Variants in MAPKAP1 observed in about 807,000 individuals in gnomAD.
The protein encoded by MAPKAP1 is MAPK associated protein 1, also known as target of rapamycin complex 2 subunit MAPKAP1.
Under a neutral mutation model 65.7 loss-of-function variants are expected in MAPKAP1, and 20 were observed. The observed-to-expected ratio is 0.30, with a 90% CI of 0.21 to 0.44. MAPKAP1 has a LOEUF of 0.44. MAPKAP1 is among the 20% of genes least tolerant of loss of function. The pLI is 1.00. For synonymous variants in MAPKAP1, 222 were observed against 244.3 expected, an observed-to-expected ratio of 0.91 and a Z score of 0.85; for missense variants, 423 against 648.0, an observed-to-expected ratio of 0.65 and a Z score of 3.77.
chr9:125,459,298 G>A (rs2132966761), intron 10 of MAPKAP1, among the ~76,000 whole-genome samples: 1 of 150,624 alleles, frequency 6.6e-6, no homozygotes, highest in South Asian at 2.1e-4. Context: ...AGATCGGATG[G>A]CGGCCAGGCA....
chr9:125,632,237 A>AAAAG (rs377716459), intron 4 of MAPKAP1, among the ~76,000 whole-genome samples: 1 of 150,978 alleles, frequency 6.6e-6, no homozygotes. Flanking sequence ...AAAAAAAAAA[A>AAAAG]GAAGAAACTC....
At chr9:125,523,320 AT>A (rs1428701280) in intron 7 of MAPKAP1, among the ~76,000 whole-genome samples, 1 of 152,136 alleles carries the variant, frequency 6.6e-6, no homozygotes, top group Non-Finnish European at 1.5e-5. Context: ...CATACATTTA[AT>A]TTATCTGAAT....
chr9:125,647,143 T>C (rs1463581053), intron 4 of MAPKAP1, among the ~76,000 whole-genome samples: 2 of 152,248 alleles, frequency 1.3e-5, no homozygotes, highest in African/African-American at 4.8e-5. Context: ...AATTTAATCT[T>C]TGGTTGCATA....
chr9:125,571,362 A>G (rs1368118584), intron 5 of MAPKAP1, among the ~76,000 whole-genome samples: 3 of 152,170 alleles, frequency 2.0e-5, no homozygotes, highest in Non-Finnish European at 4.4e-5. Context: ...AAGGTGGTTT[A>G]TAATTAACTA....
intron 5 of MAPKAP1, among the ~76,000 whole-genome samples, chr9:125,573,961 T>C (rs57699076): frequency 0.039 from 5,871 of 152,244 alleles, 386 homozygotes; most frequent in African/African-American, 0.13. Flanking sequence ...CTTCCTTCAA[T>C]AGACTGTGGA....
chr9:125,532,682 T>A (rs1829966295), intron 7 of MAPKAP1, among the ~76,000 whole-genome samples: 1 of 152,202 alleles, frequency 6.6e-6, no homozygotes, highest in Non-Finnish European at 1.5e-5. Context: ...AGGGTCCACA[T>A]TAACCCCCTA....
At chr9:125,575,675 C>G (rs1831372806) in intron 5 of MAPKAP1, among the ~76,000 whole-genome samples, 1 of 152,170 alleles carries the variant, frequency 6.6e-6, no homozygotes, top group Admixed American at 6.5e-5. Context: ...CCTATTAAAA[C>G]AGCTAAAATT....
At chr9:125,618,948 A>G (rs374082071) in intron 4 of MAPKAP1, among the ~76,000 whole-genome samples, 2 of 152,176 alleles carry the variant, frequency 1.3e-5, no homozygotes, top group Non-Finnish European at 2.9e-5. Flanking sequence ...CCTGGACAAC[A>G]TGATAAAACC....
At chr9:125,545,582 T>C (rs1264871122) in intron 6 of MAPKAP1, among the ~76,000 whole-genome samples, 1 of 152,224 alleles carries the variant, frequency 6.6e-6, no homozygotes, top group African/African-American at 2.4e-5. Context: ...TCAGTCTGCT[T>C]AGAAACTGCT....
rs202046973 is a variant in MAPKAP1 at position 125,450,504 on chromosome 9, C to T, written c.1346-5906G>A. Among the ~76,000 whole-genome samples, 4 of 152,152 alleles carry T rather than the reference C, an allele frequency of 2.6e-5. No individual in the cohort carries two copies. In the East Asian group the frequency reaches 5.8e-4, roughly 22 times the overall value. ...CTGTTGCAACAATTTCTATAACCAC[C>T]GTTTTCAATGGCTGCATCTTATTCC... On this transcript the variant is annotated intron_variant, in intron 10 of 11. Transcript: ENST00000265960.
At chr9:125,588,973 C>T (rs1344898539) in intron 4 of MAPKAP1, among the ~76,000 whole-genome samples, 1 of 152,200 alleles carries the variant, frequency 6.6e-6, no homozygotes, top group African/African-American at 2.4e-5. Flanking sequence ...TTGCATTTCT[C>T]ACGTCCCAGG....
rs369656141 is a variant in MAPKAP1, at chr9:125,703,664, T to A, written c.-70+3307A>T. 4.3e-4 allele frequency among the ~76,000 whole-genome samples: 65 copies of A among 150,848 alleles called. No homozygotes were observed. In the East Asian group the frequency reaches 0.012, roughly 28 times the overall value. Reference sequence around the variant, plus strand: ...GCACCTGCCTATAGTCCCAGCTACTTGGGAGGCTGAGGCAAGAGAATCTCT... The same window carrying A: ...GCACCTGCCTATAGTCCCAGCTACTAGGGAGGCTGAGGCAAGAGAATCTCT... On this transcript the variant is annotated intron_variant, in intron 1 of 11. Coordinates refer to ENST00000265960, the MANE Select transcript of MAPKAP1 (RefSeq NM_001006617.3).
chr9:125,444,290 G>A (rs1314545585), intron 11 of MAPKAP1, among the ~76,000 whole-genome samples: 1 of 152,262 alleles, frequency 6.6e-6, no homozygotes, highest in Non-Finnish European at 1.5e-5. Context: ...ACTGAAGCAG[G>A]TGCAGAGCAG....
intron 4 of MAPKAP1, among the ~76,000 whole-genome samples, chr9:125,649,624 G>C (rs935602489): frequency 6.6e-6 from 1 of 151,640 alleles, no homozygotes; most frequent in Non-Finnish European, 1.5e-5. Context: ...GAGGCTTTTT[G>C]CTCCACTCTC....
intron 4 of MAPKAP1, among the ~76,000 whole-genome samples, chr9:125,592,990 AG>A (rs1832015121): frequency 6.6e-6 from 1 of 150,746 alleles, no homozygotes; most frequent in East Asian, 2.0e-4. Flanking sequence ...AAAAAAAAAA[AG>A]AAAAAAAAGA....
intron 4 of MAPKAP1, among the ~76,000 whole-genome samples, chr9:125,635,372 T>C (rs1349991925): frequency 1.3e-5 from 2 of 152,234 alleles, no homozygotes; most frequent in Admixed American, 1.3e-4. Flanking sequence ...GTTCTCTCCA[T>C]TTCCCAAACC....
At chr9:125,566,592 GAAA>G (rs1831061495) in intron 5 of MAPKAP1, among the ~76,000 whole-genome samples, 4 of 137,870 alleles carry the variant, frequency 2.9e-5, no homozygotes, top group Admixed American at 2.8e-4. Context: ...AAAAGAAAAA[GAAA>G]AAGAAAAAAG....
At chr9:125,683,586 C>T (rs1411983745) in intron 1 of MAPKAP1, among the ~76,000 whole-genome samples, 1 of 152,104 alleles carries the variant, frequency 6.6e-6, no homozygotes, top group Non-Finnish European at 1.5e-5. Flanking sequence ...GAAATGAATT[C>T]CACTACCCAA....
Position 125,439,828 on chromosome 9 carries a change from G to A in MAPKAP1, c.1444-816C>T, listed in dbSNP as rs899581919. Among the ~76,000 whole-genome samples, 18 of 152,280 alleles carry A rather than the reference G, an allele frequency of 1.2e-4. No individual in the cohort carries two copies. The highest frequency in any genetic ancestry group is 2.5e-4 in the Non-Finnish European group (17 of 68,050). ...CCCTGGGGAGCTTGCTGCCTGGTGAGTGGGTGTCCAGCAGCAGAACCAGCA... is the reference window on the plus strand; with the variant it reads ...CCCTGGGGAGCTTGCTGCCTGGTGAATGGGTGTCCAGCAGCAGAACCAGCA... On this transcript the variant is annotated intron_variant, in intron 11 of 11. Transcript: ENST00000265960. This position sits in a 1 kb window ranked among gnomAD's most constrained non-coding sequence, Gnocchi z 4.0.
Sources: gnomAD v4.1 joint callset for allele counts (sites outside exome capture counted in the v4.1 genomes callset) on GRCh38, gnomAD v4.1.1 for gene constraint, Gnocchi (gnomAD v3.1) non-coding constraint, MANE v1.5 for transcripts, NCBI Gene and HGNC (gene_info 2026-07-23, HGNC 2026-07-21) for gene names.